The following AAK1 variants were observed in gnomAD, a reference collection of about 807,000 sequenced individuals.
The protein encoded by AAK1 is AP2 associated kinase 1.
Under a neutral mutation model 116.0 loss-of-function variants are expected in AAK1, and 37 were observed. The ratio of observed to expected loss-of-function variants is 0.32; its 90% CI spans 0.25 to 0.42. The LOEUF is 0.42. AAK1 is among the 10% of genes least tolerant of loss of function. The pLI is 1.00. For missense variants in AAK1, 919 were observed against 1,170.6 expected, an observed-to-expected ratio of 0.79 and a Z score of 3.14; for synonymous variants, 458 against 439.9, an observed-to-expected ratio of 1.04 and a Z score of -0.51.
At chr2:69,603,437 C>G (rs1359183636) in intron 2 of AAK1, among the ~76,000 whole-genome samples, 1 of 152,124 alleles carries the variant, frequency 6.6e-6, no homozygotes, top group African/African-American at 2.4e-5. Context: ...AGCTTGTGGG[C>G]TCTCACAAAG....
In AAK1 at chr2:69,507,539, A is replaced by C. The variant is rs750070518; in HGVS notation, c.2046T>G (p.Ser682=). The change falls in exon 15 of 22, where the codon TCT becomes TCG. Residue 682 remains serine (S), a synonymous_variant. Coordinates refer to ENST00000409085, the MANE Select transcript of AAK1 (RefSeq NM_014911.5). ...CTGAAGGATTATAAACGTTTTGTTG[A>C]GAGGTCCGAGGAGAGCCTGATGGAG... ...TTTPSGSPRT[S]QQNVYNPSEG... 4.3e-6 allele frequency: 7 copies of C among 1,612,230 alleles called. No homozygotes were observed. In the East Asian group the frequency reaches 1.6e-4, roughly 36 times the overall value.
intron 5 of AAK1, among the ~76,000 whole-genome samples, chr2:69,537,842 G>C (rs10194979): frequency 5.8e-4 from 89 of 152,326 alleles, no homozygotes; most frequent in African/African-American, 2.1e-3. Flanking sequence ...GATCTGGGGA[G>C]TCAATGACTA....
rs1425453571 is a variant in AAK1, at chr2:69,472,858, T to C, written c.*3011A>G. 1.0e-6 allele frequency: 1 copy of C among 985,754 alleles called. No individual in the cohort carries two copies. Among genetic ancestry groups the C allele is most frequent in the Non-Finnish European group, 1.2e-6 (1 of 829,868 alleles). 61.1% of individuals were successfully genotyped at this position (985,754 alleles called of 1,614,324 possible). A position where few individuals can be genotyped will look rare whatever the true frequency, so the allele number is the denominator to read the frequency against. On this transcript the variant is annotated 3_prime_UTR_variant, in exon 22 of 22. Coordinates refer to ENST00000409085, the MANE Select transcript of AAK1 (RefSeq NM_014911.5). The stretch of plus-strand genomic sequence containing the variant: ...GTCCACGCATGTGTTTCTGTAATAC[T>C]TAAAAAGGAAAATCTCTAAGATTAT...
At chr2:69,627,120 C>G (rs1316169633) in intron 2 of AAK1, among the ~76,000 whole-genome samples, 2 of 151,870 alleles carry the variant, frequency 1.3e-5, no homozygotes, top group Non-Finnish European at 2.9e-5. Context: ...AAACCCCCGT[C>G]TCTACTAAAA....
At chr2:69,559,308 T>C (rs932892072) in intron 2 of AAK1, among the ~76,000 whole-genome samples, 68 of 149,780 alleles carry the variant, frequency 4.5e-4, no homozygotes, top group African/African-American at 1.5e-3. Context: ...ACTCTCTCTC[T>C]CCTCAATTCT....
At chr2:69,479,574 T>A (rs1197890931) in intron 19 of AAK1, among the ~76,000 whole-genome samples, 5 of 152,152 alleles carry the variant, frequency 3.3e-5, no homozygotes, top group Admixed American at 3.3e-4. Context: ...TAGGACAAAG[T>A]ATCCAAACTG....
At chr2:69,618,508 A>T (rs1395953618) in intron 2 of AAK1, among the ~76,000 whole-genome samples, 1 of 152,144 alleles carries the variant, frequency 6.6e-6, no homozygotes, top group Non-Finnish European at 1.5e-5. Flanking sequence ...TTAGCGCAGG[A>T]GGTCAGAACT....
rs1674475648 is a variant in AAK1 at position 69,466,067 on chromosome 2, A to C, written c.*9802T>G. 7.7e-7 allele frequency: 1 copy of C among 1,290,774 alleles called. No individual in the cohort carries two copies. Among genetic ancestry groups the C allele is most frequent in the Non-Finnish European group, 1.0e-6 (1 of 988,882 alleles). The allele number at this position is 1,290,774 out of a possible 1,614,324, so 80.0% of individuals were successfully genotyped here. ...TGGAGACAAATGGGGCTTTGGAGAA[A>C]ATGTCCATGTCATCATTTGGAACCC... On this transcript the variant is annotated 3_prime_UTR_variant, in exon 22 of 22. Coordinates refer to ENST00000409085, the MANE Select transcript of AAK1 (RefSeq NM_014911.5).
In AAK1 at chr2:69,496,025, C is replaced by G; in HGVS notation, c.2325G>C (p.Val775=). The G allele has an allele frequency of 6.4e-7, 1 of 1,554,952 alleles. No individual in the cohort carries two copies. Among genetic ancestry groups the G allele is most frequent in the Non-Finnish European group, 8.7e-7 (1 of 1,148,864 alleles). Residue 775 remains valine (V), a synonymous_variant, in exon 17 of 22, where the codon GTG becomes GTC. Transcript: ENST00000409085. ...CTTGAAGAGGAATGAAAGGATCAGA[C>G]ACGCTTAGAAGCGGGAGGCCAGAGT... The part of the protein sequence containing the change: ...TVDSGLPLLS[V]SDPFIPLQVP...
At chr2:69,578,802 C>T (rs2105137937) in intron 2 of AAK1, among the ~76,000 whole-genome samples, 1 of 150,754 alleles carries the variant, frequency 6.6e-6, no homozygotes, top group East Asian at 2.0e-4. Context: ...ATCTCTTCAC[C>T]TCTTTTTTTT....
intron 5 of AAK1, among the ~76,000 whole-genome samples, chr2:69,533,956 T>C (rs1239189890): frequency 6.6e-6 from 1 of 152,224 alleles, no homozygotes; most frequent in Non-Finnish European, 1.5e-5. Flanking sequence ...GTTTAATCTA[T>C]TTACACAAAG....
At position 69,472,265 on chromosome 2, in the gene AAK1, G is replaced by T. The variant is rs1200381363; in HGVS notation, c.*3604C>A. 21 of 666,146 alleles carry T rather than the reference G, an allele frequency of 3.2e-5. No homozygotes were observed. The East Asian group carries it at 1.2e-3, about 39-fold the overall frequency. The allele number at this position is 666,146 out of a possible 1,614,324, so 41.3% of individuals were successfully genotyped here. On this transcript the variant is annotated 3_prime_UTR_variant, in exon 22 of 22. Transcript: ENST00000409085. Reference sequence around the variant, plus strand: ...CTTACAGGGTTGAATTTGCTTTCTGGAAATGGCTAAATGTTACTCAGAACC... The same window carrying T: ...CTTACAGGGTTGAATTTGCTTTCTGTAAATGGCTAAATGTTACTCAGAACC...
intron 13 of AAK1, among the ~76,000 whole-genome samples, chr2:69,512,039 A>T (rs958294344): frequency 4.6e-5 from 7 of 152,322 alleles, no homozygotes; most frequent in African/African-American, 1.7e-4. Context: ...ATTCAAGGTC[A>T]CAGGGTTAAC....
At chr2:69,616,340 T>C (rs1400284948) in intron 2 of AAK1, among the ~76,000 whole-genome samples, 1 of 152,192 alleles carries the variant, frequency 6.6e-6, no homozygotes, top group Non-Finnish European at 1.5e-5. Flanking sequence ...CTGTTCACTT[T>C]AAAATGGTTA....
Position 69,469,276 on chromosome 2 carries a change from T to C in AAK1, c.*6593A>G, listed in dbSNP as rs576621796. 9 of 985,344 alleles carry C rather than the reference T, an allele frequency of 9.1e-6. No individual in the cohort carries two copies. In the South Asian group the frequency reaches 3.3e-4, roughly 36 times the overall value. 61.0% of individuals were successfully genotyped at this position (985,344 alleles called of 1,614,324 possible). ...ATGGGGGAAGCCCAGACCTCCACAT[T>C]CCCTTAAGGAATTCTGGTGGTGGCA... On this transcript the variant is annotated 3_prime_UTR_variant, in exon 22 of 22. Transcript: ENST00000409085.
chr2:69,481,507 G>C (rs1675085427), intron 18 of AAK1: 1 of 152,448 alleles, frequency 6.6e-6, no homozygotes, highest in South Asian at 2.1e-4. Context: ...GGATGTAGCT[G>C]GGAGGCCTTT....
chr2:69,624,041 G>A (rs1267846179), intron 2 of AAK1, among the ~76,000 whole-genome samples: 1 of 151,814 alleles, frequency 6.6e-6, no homozygotes, highest in Admixed American at 6.6e-5. Context: ...AAGGAAGAAG[G>A]CAGGGAGAAA....
chr2:69,497,295 CTTTTTTTTTTTTT>C (rs1176401016), intron 16 of AAK1, among the ~76,000 whole-genome samples: 109 of 76,086 alleles, frequency 1.4e-3, no homozygotes, highest in Non-Finnish European at 2.1e-3. Flanking sequence ...CATTATCATT[CTTTTTTTTTTTTT>C]TTTTTTTTTT....
chr2:69,489,943 T>G (rs1302714779), intron 17 of AAK1, among the ~76,000 whole-genome samples: 1 of 152,140 alleles, frequency 6.6e-6, no homozygotes, highest in Non-Finnish European at 1.5e-5. Context: ...AGACAGCAGT[T>G]GGAAATGAGG....
Sources: allele counts gnomAD v4.1 joint callset (sites outside exome capture counted in the v4.1 genomes callset), GRCh38; gene constraint gnomAD v4.1.1; transcripts MANE v1.5; gene names NCBI Gene and HGNC (gene_info 2026-07-23, HGNC 2026-07-21).